The following RAB38 variants were observed in gnomAD, a reference collection of about 807,000 sequenced individuals.
RAB38 encodes the protein ras-related protein Rab-38.
RAB38 carries 15 observed loss-of-function variants against 18.4 expected under a neutral mutation model. The observed-to-expected ratio is 0.82, with a 90% CI of 0.55 to 1.26. The LOEUF is 1.26. RAB38 is among the 50% of genes most tolerant of loss of function. The pLI is 0.00. For synonymous variants in RAB38, 101 were observed against 104.4 expected (o/e 0.97, Z 0.20); for missense variants, 294 against 267.4 (o/e 1.10, Z -0.69).
chr11:88,034,291 T>A, the RAB38 span, among the ~76,000 whole-genome samples: 18 of 152,384 alleles, frequency 1.2e-4, no homozygotes, highest in Non-Finnish European at 1.5e-4. Context: ...AGTTTTGGGT[T>A]ATTACACGTA....
the RAB38 span, among the ~76,000 whole-genome samples, chr11:88,071,405 C>G: frequency 6.6e-6 from 1 of 152,118 alleles, no homozygotes; most frequent in Non-Finnish European, 1.5e-5. Context: ...GGGAGAGTGA[C>G]AGAAGCAATA....
At chr11:87,845,713 TAAACTC>T in the RAB38 span, among the ~76,000 whole-genome samples, 6 of 152,086 alleles carry the variant, frequency 3.9e-5, no homozygotes, top group East Asian at 7.7e-4. Context: ...CTAAAAATAA[TAAACTC>T]AAAGACAGCA....
the RAB38 span, among the ~76,000 whole-genome samples, chr11:88,076,253 C>A: frequency 6.6e-6 from 1 of 151,900 alleles, no homozygotes; most frequent in Non-Finnish European, 1.5e-5. Context: ...ATACAACAAA[C>A]AGGCATAGAA....
intron 2 of RAB38, among the ~76,000 whole-genome samples, chr11:88,124,948 G>A (rs766911505): frequency 1.3e-5 from 2 of 152,198 alleles, no homozygotes; most frequent in Non-Finnish European, 2.9e-5. Context: ...AATAAGTTAT[G>A]TGACTGTCTT....
At chr11:87,942,533 T>A in the RAB38 span, among the ~76,000 whole-genome samples, 1 of 152,150 alleles carries the variant, frequency 6.6e-6, no homozygotes, top group African/African-American at 2.4e-5. Context: ...ATTCTCAACA[T>A]CAAGAGTTAT....
At chr11:87,912,828 C>T in the RAB38 span, among the ~76,000 whole-genome samples, 2 of 138,092 alleles carry the variant, frequency 1.4e-5, no homozygotes, top group Admixed American at 7.5e-5. Context: ...ACATATTCAG[C>T]ACTATAGTAT....
At chr11:87,856,389 G>T in the RAB38 span, among the ~76,000 whole-genome samples, 3 of 152,154 alleles carry the variant, frequency 2.0e-5, no homozygotes, top group Non-Finnish European at 4.4e-5. Flanking sequence ...CTGAGTAACT[G>T]TGTGGAGCAC....
At chr11:88,099,865 A>G in the RAB38 span, 8 of 151,752 alleles carry the variant, frequency 5.3e-5, no homozygotes, top group Non-Finnish European at 5.9e-5. Flanking sequence ...ATTTATTAAT[A>G]TAATAATATT....
At chr11:88,034,621 T>C in the RAB38 span, among the ~76,000 whole-genome samples, 1 of 152,268 alleles carries the variant, frequency 6.6e-6, no homozygotes, top group Non-Finnish European at 1.5e-5. Flanking sequence ...TATTATCATG[T>C]GCTTATTTGC....
At chr11:87,888,327 G>A in the RAB38 span, among the ~76,000 whole-genome samples, 1 of 152,050 alleles carries the variant, frequency 6.6e-6, no homozygotes, top group East Asian at 2.0e-4. Flanking sequence ...GGAAAAAAAT[G>A]TGTCTTGGAA....
At chr11:87,841,728 T>G in the RAB38 span, among the ~76,000 whole-genome samples, 4 of 152,202 alleles carry the variant, frequency 2.6e-5, no homozygotes, top group African/African-American at 9.6e-5. Flanking sequence ...AAAAAACTCA[T>G]TGTTTATAGG....
chr11:87,908,035 C>A, the RAB38 span, among the ~76,000 whole-genome samples: 3 of 151,612 alleles, frequency 2.0e-5, no homozygotes, highest in African/African-American at 7.3e-5. Flanking sequence ...AATATTTTTT[C>A]TTCTCTCCTT....
the RAB38 span, among the ~76,000 whole-genome samples, chr11:87,919,116 C>G: frequency 6.6e-6 from 1 of 151,950 alleles, no homozygotes; most frequent in Non-Finnish European, 1.5e-5. Context: ...AAATAGACTG[C>G]CTTTCCTCCA....
chr11:88,012,732 A>C, the RAB38 span, among the ~76,000 whole-genome samples: 2 of 152,006 alleles, frequency 1.3e-5, no homozygotes, highest in African/African-American at 4.8e-5. Context: ...ATTATTCCTC[A>C]ATTATATTTA....
At chr11:87,961,002 G>A in the RAB38 span, among the ~76,000 whole-genome samples, 1 of 152,170 alleles carries the variant, frequency 6.6e-6, no homozygotes, top group Non-Finnish European at 1.5e-5. Flanking sequence ...ACAGCATATT[G>A]AAGGGAAGTA....
At chr11:87,941,214 G>GATATATATATATATATGTATATATAT in the RAB38 span, among the ~76,000 whole-genome samples, 1 of 62,538 alleles carries the variant, frequency 1.6e-5, no homozygotes, top group Non-Finnish European at 2.8e-5. Flanking sequence ...AAATATATGA[G>GATATATATATATATATGTATATATAT]ATATATATAT....
At chr11:88,045,832 A>G in the RAB38 span, among the ~76,000 whole-genome samples, 4 of 152,124 alleles carry the variant, frequency 2.6e-5, no homozygotes, top group Non-Finnish European at 5.9e-5. Context: ...TGTTGCGGGT[A>G]TTGACGGCCA....
chr11:88,071,613 G>A, the RAB38 span, among the ~76,000 whole-genome samples: 453 of 152,252 alleles, frequency 3.0e-3, 8 homozygotes, highest in East Asian at 0.05. Context: ...CACACCCAGA[G>A]GCTCAAGAAT....
the RAB38 span, among the ~76,000 whole-genome samples, chr11:87,927,611 A>G: frequency 6.6e-6 from 1 of 152,016 alleles, no homozygotes; most frequent in African/African-American, 2.4e-5. Context: ...AATTTCTAGT[A>G]TAACCTAGTA....
Sources: gnomAD v4.1 joint callset for allele counts (sites outside exome capture counted in the v4.1 genomes callset) on GRCh38, gnomAD v4.1.1 for gene constraint, MANE v1.5 for transcripts, NCBI Gene and HGNC (gene_info 2026-07-23, HGNC 2026-07-21) for gene names.